Variants in ITGA2 observed in about 807,000 individuals in gnomAD.
ITGA2 encodes integrin subunit alpha 2, also known as integrin alpha-2.
ITGA2 carries 101 observed loss-of-function variants against 146.3 expected under a neutral mutation model. That is an observed-to-expected ratio of 0.69 (90% CI 0.59 to 0.81). The LOEUF is 0.81. ITGA2 is among the 40% of genes least tolerant of loss of function. ITGA2 has a pLI of 0.00. For synonymous variants in ITGA2, 477 were observed against 487.1 expected (o/e 0.98, Z 0.27); for missense variants, 1,281 against 1,402.7 (o/e 0.91, Z 1.39).
Position 52,989,387 on chromosome 5 carries a change from G to T in ITGA2, c.-82G>T, listed in dbSNP as rs1236866026. 5.6e-6 allele frequency: 8 copies of T among 1,426,040 alleles called. No homozygotes were observed. The highest frequency in any genetic ancestry group is 7.9e-6 in the Non-Finnish European group (8 of 1,009,684). 88.3% of individuals were successfully genotyped at this position (1,426,040 alleles called of 1,614,324 possible). A position where few individuals can be genotyped will look rare whatever the true frequency, so the allele number is the denominator to read the frequency against. On this transcript the variant is annotated 5_prime_UTR_variant, in exon 1 of 30. Coordinates refer to ENST00000296585, the MANE Select transcript of ITGA2 (RefSeq NM_002203.4). ...TCTGGACAGCTTCTAGAGTGTGCAG[G>T]TTCTCGTATCCCTCGGCCAAGGGTA...
Position 53,065,097 on chromosome 5 carries a change from C to G in ITGA2, c.1788C>G (p.Ile596Met). The change falls in exon 14 of 30, where the codon ATC (isoleucine) becomes ATG (methionine). Residue 596 changes from isoleucine to methionine, a missense_variant. By Grantham distance (10) the Ile-to-Met change is conservative. Coordinates refer to ENST00000296585, the MANE Select transcript of ITGA2 (RefSeq NM_002203.4). Reference protein sequence around the residue: ...VYIYNGHQGTIRTKYSQKILG... With the variant: ...VYIYNGHQGTMRTKYSQKILG... The stretch of plus-strand genomic sequence containing the variant: ...TTTACAATGGTCATCAGGGCACTAT[C>G]CGCACAAAGTATTCCCAGGTAATCC... The G allele has an allele frequency of 6.2e-7, 1 of 1,612,552 alleles. No individual in the cohort carries two copies. Among genetic ancestry groups the G allele is most frequent in the Non-Finnish European group, 8.5e-7 (1 of 1,179,024 alleles).
chr5:53,043,077 T>C (rs1743882424), intron 3 of ITGA2, among the ~76,000 whole-genome samples: 2 of 152,078 alleles, frequency 1.3e-5, no homozygotes, highest in Admixed American at 1.3e-4. Context: ...AGAAGGAATA[T>C]CAGTAGTGTC....
chr5:53,089,134 T>C (rs1425535202), intron 28 of ITGA2: 1 of 152,206 alleles, frequency 6.6e-6, no homozygotes, highest in Non-Finnish European at 1.5e-5. Context: ...GCCCAGCCCA[T>C]AAATTTATGA....
chr5:53,001,685 A>G (rs189074506), intron 1 of ITGA2, among the ~76,000 whole-genome samples: 3 of 152,218 alleles, frequency 2.0e-5, no homozygotes, highest in Non-Finnish European at 2.9e-5. Context: ...AGAAAAATTT[A>G]AAAAATTAGC....
rs1489360929 is a variant in ITGA2 at position 53,071,950 on chromosome 5, G to A, written c.2248G>A (p.Val750Ile). ...TGTGTATGTTTAGGAGCCCTCTGAT[G>A]TTGTCAACTCTTTGGATTTGCGTGT... is the stretch of plus-strand genomic sequence containing the variant. ...HIIYIQEPSD[V>I]VNSLDLRVDI... The change falls in exon 18 of 30, where the codon GTT (valine) becomes ATT (isoleucine). Residue 750 changes from valine (V) to isoleucine (I), a missense_variant. Val to Ile is a conservative substitution (Grantham distance 29). Transcript: ENST00000296585. 5.6e-6 allele frequency: 9 copies of A among 1,611,852 alleles called. 1 individual carries two copies. The highest frequency in any genetic ancestry group is 1.6e-4 in the Middle Eastern group (1 of 6,070).
chr5:53,024,292 A>T (rs1041525261), intron 1 of ITGA2, among the ~76,000 whole-genome samples: 28 of 152,362 alleles, frequency 1.8e-4, no homozygotes, highest in African/African-American at 6.7e-4. Flanking sequence ...TGGAATAAAC[A>T]TTATAATTTA....
intron 1 of ITGA2, among the ~76,000 whole-genome samples, chr5:52,998,827 G>A (rs900481773): frequency 4.6e-5 from 7 of 152,144 alleles, no homozygotes; most frequent in Non-Finnish European, 8.8e-5. Context: ...AGCCATGTAT[G>A]ACAGCTACTG....
intron 2 of ITGA2, among the ~76,000 whole-genome samples, chr5:53,028,121 C>A (rs778512249): frequency 1.4e-4 from 21 of 152,066 alleles, no homozygotes; most frequent in Non-Finnish European, 2.5e-4. Flanking sequence ...AATTCATAAG[C>A]CTTTTTTTCT....
At chr5:53,012,558 A>G (rs1742188276) in intron 1 of ITGA2, among the ~76,000 whole-genome samples, 2 of 152,272 alleles carry the variant, frequency 1.3e-5, no homozygotes, top group South Asian at 2.1e-4. Flanking sequence ...ACTGCAATGA[A>G]CATAGGCATG....
intron 2 of ITGA2, 79 bp from the exon 3 acceptor site, chr5:53,042,033 T>G (rs1259407025): frequency 1.1e-6 from 1 of 890,052 alleles, no homozygotes; most frequent in African/African-American, 1.6e-5. Flanking sequence ...TAAATGTGTT[T>G]TTCACTGTTT....
chr5:53,094,595 G>A lies in ITGA2; in HGVS notation c.*3996G>A, dbSNP rs566829678. 1 of 152,050 alleles carries A rather than the reference G, an allele frequency of 6.6e-6. No homozygotes were observed. The highest frequency in any genetic ancestry group is 6.5e-5 in the Admixed American group (1 of 15,270). The allele number at this position is 152,050 out of a possible 1,614,324, so 9.4% of individuals were successfully genotyped here. A position where few individuals can be genotyped will look rare whatever the true frequency, so the allele number is the denominator to read the frequency against. Reference sequence around the variant, plus strand: ...ATGCATGTTTGTACAAAAAGTTGCAGAATTCATTTGATTTATGAGAAACAA... The same window carrying A: ...ATGCATGTTTGTACAAAAAGTTGCAAAATTCATTTGATTTATGAGAAACAA... On this transcript the variant is annotated 3_prime_UTR_variant, in exon 30 of 30. Coordinates refer to ENST00000296585, the MANE Select transcript of ITGA2 (RefSeq NM_002203.4).
chr5:53,054,269 A>G (rs1391447467), intron 7 of ITGA2, among the ~76,000 whole-genome samples: 1 of 152,132 alleles, frequency 6.6e-6, no homozygotes, highest in Non-Finnish European at 1.5e-5. Context: ...GTTTTAATCT[A>G]AGGTCTTCTC....
chr5:53,003,206 T>C (rs554021448), intron 1 of ITGA2, among the ~76,000 whole-genome samples: 37 of 152,320 alleles, frequency 2.4e-4, no homozygotes, highest in Admixed American at 2.4e-3. Flanking sequence ...CCATTTTCAC[T>C]TGAGGCATGG....
intron 19 of ITGA2, among the ~76,000 whole-genome samples, 191 bp from the exon 20 acceptor site, chr5:53,072,927 G>A (rs532504964): frequency 6.6e-6 from 1 of 151,670 alleles, no homozygotes; most frequent in Non-Finnish European, 1.5e-5. Flanking sequence ...TAGCAACAAA[G>A]AACAATCCAA....
Position 53,081,615 on chromosome 5 carries a change from A to T in ITGA2, c.3063A>T (p.Ala1021=), listed in dbSNP as rs1422579664. ...TDKAGDISCN[A]DINPLKIGQT... ...AGGCTGGTGACATCAGTTGTAATGCAGATATCAATCCACTGAAAATAGGAC... is the reference window on the plus strand; with the variant it reads ...AGGCTGGTGACATCAGTTGTAATGCTGATATCAATCCACTGAAAATAGGAC... Residue 1021 remains alanine (A), a synonymous_variant, in exon 26 of 30, where the codon GCA becomes GCT. Coordinates refer to ENST00000296585, the MANE Select transcript of ITGA2 (RefSeq NM_002203.4). 1 of 1,612,292 alleles carries T rather than the reference A, an allele frequency of 6.2e-7. No individual in the cohort carries two copies. Among genetic ancestry groups the T allele is most frequent in the African/African-American group, 1.3e-5 (1 of 74,874 alleles).
intron 1 of ITGA2, among the ~76,000 whole-genome samples, chr5:53,002,126 A>AT (rs1375433364): frequency 1.6e-4 from 24 of 152,042 alleles, no homozygotes; most frequent in Non-Finnish European, 3.5e-4. Flanking sequence ...AGAAAATTAG[A>AT]TTTTTTCAAA....
chr5:53,080,758 G>A, intron 25 of ITGA2, 137 bp downstream of exon 25: 1 of 696,406 alleles, frequency 1.4e-6, no homozygotes, highest in South Asian at 1.6e-5. Context: ...CAACTGACTA[G>A]CAGTTAATTT....
chr5:52,989,515 T>C lies in ITGA2; in HGVS notation c.47T>C (p.Val16Ala). Residue 16 changes from valine (V) to alanine (A), a missense_variant, in exon 1 of 30, where the codon GTG becomes GCG. Transcript: ENST00000296585. Reference sequence around the variant, plus strand: ...GCCGCGCCGCTGCCGCTGCTGCTGGTGTTAGCGCTCAGTCAAGGTAAGCGG... The same window carrying C: ...GCCGCGCCGCTGCCGCTGCTGCTGGCGTTAGCGCTCAGTCAAGGTAAGCGG... The part of the protein sequence containing the change: ...TGAAPLPLLL[V>A]LALSQGILNC... 6.2e-7 allele frequency: 1 copy of C among 1,613,024 alleles called. No homozygotes were observed. Among genetic ancestry groups the C allele is most frequent in the South Asian group, 1.1e-5 (1 of 91,044 alleles).
rs974504238 is a variant in ITGA2, at chr5:53,019,698, G to A, written c.65-7050G>A. 4.6e-5 allele frequency among the ~76,000 whole-genome samples: 7 copies of A among 152,010 alleles called. 1 individual carries two copies. Among genetic ancestry groups the A allele is most frequent in the Admixed American group, 1.3e-4 (2 of 15,260 alleles). Reference sequence around the variant, plus strand: ...GTGCCACCATGCCCAGCTATTTTTTGTATTTTTAGTAGAGATGTGGTTTCC... The same window carrying A: ...GTGCCACCATGCCCAGCTATTTTTTATATTTTTAGTAGAGATGTGGTTTCC... On this transcript the variant is annotated intron_variant, in intron 1 of 29. Coordinates refer to ENST00000296585, the MANE Select transcript of ITGA2 (RefSeq NM_002203.4).
Sources: gnomAD v4.1 joint callset for allele counts (sites outside exome capture counted in the v4.1 genomes callset) on GRCh38, gnomAD v4.1.1 for gene constraint, MANE v1.5 for transcripts, NCBI Gene and HGNC (gene_info 2026-07-23, HGNC 2026-07-21) for gene names.